Variants in SAMD12 observed in about 807,000 individuals in gnomAD.
SAMD12 encodes sterile alpha motif domain-containing protein 12.
A neutral mutation model predicts 15.0 loss-of-function variants in SAMD12; 9 were observed. That is an observed-to-expected ratio of 0.60 (90% CI 0.36 to 1.05). SAMD12 has a LOEUF of 1.05. Among genes scored for constraint, SAMD12 ranks in the 50% least tolerant of loss-of-function variants. SAMD12 has a pLI of 0.01. For missense variants in SAMD12, 230 were observed against 234.2 expected (o/e 0.98, Z 0.12); for synonymous variants, 86 against 90.1 (o/e 0.96, Z 0.25).
In SAMD12 at chr8:118,325,574, G is replaced by T. The variant is rs75689140; in HGVS notation, c.433+53986C>A. Among the ~76,000 whole-genome samples, 72 of 152,176 alleles carry T rather than the reference G, an allele frequency of 4.7e-4. 1 individual carries two copies. The East Asian group carries it at 6.8e-3, about 14-fold the overall frequency. ...ATCAACTCACACAGTTATCTTTTTT[G>T]TGTGTGTGGCAAGAACACTTAAGAT... On this transcript the variant is annotated intron_variant, in intron 4 of 4. Coordinates refer to the SAMD12 transcript ENST00000409003.
rs1554666050 is a variant in SAMD12 at position 118,449,815 on chromosome 8, A to AAAC, written c.193-9857_193-9855dup. 3.5e-3 allele frequency among the ~76,000 whole-genome samples: 485 copies of AAAC among 138,894 alleles called. 2 individuals are homozygous for AAAC. The highest frequency in any genetic ancestry group is 7.4e-3 in the Middle Eastern group (2 of 270). 91.1% of individuals were successfully genotyped at this position (138,894 alleles called of 152,430 possible). A position where few individuals can be genotyped will look rare whatever the true frequency, so the allele number is the denominator to read the frequency against. ...GACTGTCTCAAAAAAAAAAAAAAAAAAACAACAAAAAAAAAGGTGAGAAAA... is the reference window on the plus strand; with the variant it reads ...GACTGTCTCAAAAAAAAAAAAAAAAAAACAACAACAAAAAAAAAGGTGAGAAAA... On this transcript the variant is annotated intron_variant, in intron 2 of 3. Coordinates refer to ENST00000314727, the MANE Select transcript of SAMD12 (RefSeq NM_207506.3).
At chr8:118,276,874 T>C (rs922290965) in intron 4 of SAMD12, among the ~76,000 whole-genome samples, 2 of 152,144 alleles carry the variant, frequency 1.3e-5, no homozygotes, top group Admixed American at 6.5e-5. Context: ...GGTTTCGCCA[T>C]GTTGACCAGG....
chr8:118,542,444 C>T (rs999969755), intron 2 of SAMD12, among the ~76,000 whole-genome samples: 3 of 152,050 alleles, frequency 2.0e-5, no homozygotes, highest in Admixed American at 1.3e-4. Context: ...TTTAAAATAT[C>T]GTACTAAAAA....
At chr8:118,248,161 T>A (rs1412368773) in intron 4 of SAMD12, among the ~76,000 whole-genome samples, 1 of 152,096 alleles carries the variant, frequency 6.6e-6, no homozygotes. Flanking sequence ...ATGGAAGACA[T>A]GAAATTCTTC....
In SAMD12 at chr8:118,495,664, C is replaced by A. The variant is rs59898156; in HGVS notation, c.193-55703G>T. Reference sequence around the variant, plus strand: ...TCCACGGTTACTGACTGATACTTCCCAAAGTCACAGTTTCCTCAACTGTAA... The same window carrying A: ...TCCACGGTTACTGACTGATACTTCCAAAAGTCACAGTTTCCTCAACTGTAA... On this transcript the variant is annotated intron_variant, in intron 2 of 3. Transcript: ENST00000314727. Among the ~76,000 whole-genome samples the A allele has an allele frequency of 3.3e-5, 5 of 151,702 alleles. No individual in the cohort carries two copies. The East Asian group carries it at 9.7e-4, about 29-fold the overall frequency.
intron 3 of SAMD12, among the ~76,000 whole-genome samples, chr8:118,397,380 T>C (rs1351765078): frequency 6.6e-6 from 1 of 152,012 alleles, no homozygotes; most frequent in Non-Finnish European, 1.5e-5. Flanking sequence ...CAGAGAAGTA[T>C]GGTTCAGGAA....
chr8:118,208,224 T>C (rs1282550637), intron 4 of SAMD12, among the ~76,000 whole-genome samples: 2 of 151,982 alleles, frequency 1.3e-5, no homozygotes, highest in Admixed American at 6.6e-5. Context: ...GCCATTGCAC[T>C]CCAGCCTGGG....
the SAMD12 span, among the ~76,000 whole-genome samples, chr8:118,149,732 T>G: frequency 1.4e-4 from 22 of 152,134 alleles, no homozygotes; most frequent in African/African-American, 5.3e-4. Flanking sequence ...CCATGATCCG[T>G]TTTTATTTAC....
intron 3 of SAMD12, among the ~76,000 whole-genome samples, chr8:118,390,585 A>G (rs891152340): frequency 1.3e-5 from 2 of 152,200 alleles, no homozygotes; most frequent in African/African-American, 4.8e-5. Context: ...GAATCACCCA[A>G]TACCAGAGCT....
intron 2 of SAMD12, among the ~76,000 whole-genome samples, chr8:118,518,808 A>G (rs1193540273): frequency 1.3e-5 from 2 of 152,170 alleles, no homozygotes; most frequent in Non-Finnish European, 2.9e-5. Flanking sequence ...GAGATATCCA[A>G]ACTAAGATGC....
chr8:118,486,880 G>C (rs192065457), intron 2 of SAMD12, among the ~76,000 whole-genome samples: 1 of 152,342 alleles, frequency 6.6e-6, no homozygotes, highest in African/African-American at 2.4e-5. Flanking sequence ...GGCTGGAGCA[G>C]AGGTGCCCTC....
chr8:118,261,695 G>C (rs1228747537), intron 4 of SAMD12, among the ~76,000 whole-genome samples: 1 of 150,618 alleles, frequency 6.6e-6, no homozygotes, highest in Non-Finnish European at 1.5e-5. Context: ...AGTAATGATA[G>C]CTAGTGACCA....
rs1443036205 is a variant in SAMD12, at chr8:118,378,288, C to T, written c.*1129G>A. ...GGTTGCTTGTAAATTTTCCGTTTTC[C>T]AAATAGCACTGTGACAGACTTTCTT... On this transcript the variant is annotated 3_prime_UTR_variant, in exon 4 of 4. Transcript: ENST00000314727. 1 of 660,358 alleles carries T rather than the reference C, an allele frequency of 1.5e-6. No homozygotes were observed. The highest frequency in any genetic ancestry group is 1.9e-6 in the Non-Finnish European group (1 of 533,738). 40.9% of individuals were successfully genotyped at this position (660,358 alleles called of 1,614,324 possible). A position where few individuals can be genotyped will look rare whatever the true frequency, so the allele number is the denominator to read the frequency against.
intron 4 of SAMD12, among the ~76,000 whole-genome samples, chr8:118,356,718 G>A (rs981097237): frequency 7.2e-5 from 11 of 152,034 alleles, no homozygotes; most frequent in African/African-American, 2.7e-4. Context: ...TGCTTTATTG[G>A]GTGTTTCAAA....
chr8:118,522,197 CAT>C (rs34890133), intron 2 of SAMD12, among the ~76,000 whole-genome samples: 59,555 of 112,852 alleles, frequency 0.53, 12,102 homozygotes, highest in African/African-American at 0.58. Context: ...CACACACACA[CAT>C]ACACACACAC....
the SAMD12 span, among the ~76,000 whole-genome samples, chr8:118,143,085 CT>C: frequency 3.3e-5 from 5 of 151,466 alleles, no homozygotes; most frequent in Admixed American, 6.6e-5. Context: ...TAAAACACAA[CT>C]TTTTTTTTAA....
intron 2 of SAMD12, among the ~76,000 whole-genome samples, chr8:118,528,030 TATA>T (rs1825577610): frequency 1.0e-5 from 1 of 96,846 alleles, no homozygotes; most frequent in South Asian, 4.4e-4. Flanking sequence ...AATATATATA[TATA>T]TTTTTTTTCC....
intron 2 of SAMD12, among the ~76,000 whole-genome samples, chr8:118,550,323 G>A (rs1448617457): frequency 1.3e-5 from 2 of 152,194 alleles, no homozygotes; most frequent in East Asian, 1.9e-4. Context: ...GACTAACAGT[G>A]GATCTCTCTG....
Position 118,549,623 on chromosome 8 carries a change from C to T in SAMD12, c.192+31092G>A, listed in dbSNP as rs186818902. ...ACTGGAAACTCTAAAAAGCAGAGCACCTCTCCTCCTCCAAAGGAACGCAGT... is the reference window on the plus strand; with the variant it reads ...ACTGGAAACTCTAAAAAGCAGAGCATCTCTCCTCCTCCAAAGGAACGCAGT... On this transcript the variant is annotated intron_variant, in intron 2 of 3. Coordinates refer to ENST00000314727, the MANE Select transcript of SAMD12 (RefSeq NM_207506.3). Among the ~76,000 whole-genome samples, 1,313 of 152,314 alleles carry T rather than the reference C, an allele frequency of 8.6e-3. 23 individuals are homozygous for T. Among genetic ancestry groups the T allele is most frequent in the African/African-American group, 0.03 (1,244 of 41,564 alleles).
Sources: gnomAD v4.1 joint callset for allele counts (sites outside exome capture counted in the v4.1 genomes callset) on GRCh38, gnomAD v4.1.1 for gene constraint, MANE v1.5 for transcripts, NCBI Gene and HGNC (gene_info 2026-07-23, HGNC 2026-07-21) for gene names.